The following EED variants were observed in gnomAD, a reference collection of about 807,000 sequenced individuals.
EED encodes polycomb protein EED.
EED carries 9 observed loss-of-function variants against 61.0 expected under a neutral mutation model. The ratio of observed to expected loss-of-function variants is 0.15; its 90% CI spans 0.09 to 0.26. The LOEUF is 0.26. EED is among the 10% of genes least tolerant of loss of function. The pLI is 1.00. For synonymous variants in EED, 187 were observed against 174.4 expected, an observed-to-expected ratio of 1.07 and a Z score of -0.57; for missense variants, 315 against 542.3, an observed-to-expected ratio of 0.58 and a Z score of 4.16.
At chr11:86,249,770 A>G (rs778264323) in intron 1 of EED, among the ~76,000 whole-genome samples, 3 of 152,260 alleles carry the variant, frequency 2.0e-5, no homozygotes, top group Non-Finnish European at 4.4e-5. Context: ...CAGAATTTGA[A>G]TAACAGGATT....
chr11:86,253,505 G>A lies in EED; in HGVS notation c.360+1265G>A, dbSNP rs761444205. Among the ~76,000 whole-genome samples, 14 of 152,212 alleles carry A rather than the reference G, an allele frequency of 9.2e-5. No homozygotes were observed. In the Middle Eastern group the frequency reaches 0.01, roughly 111 times the overall value. On this transcript the variant is annotated intron_variant, in intron 3 of 11. Transcript: ENST00000263360. ...TTTTTATTTAAAGTGACATAAAGGG[G>A]TGTCATATAGTTTATTGAATTATAA...
At chr11:86,254,069 A>AAAAAAAAAAAAAAG (rs1945605734) in intron 3 of EED, among the ~76,000 whole-genome samples, 1 of 148,758 alleles carries the variant, frequency 6.7e-6, no homozygotes, top group African/African-American at 2.5e-5. Flanking sequence ...AAAAAAAAAA[A>AAAAAAAAAAAAAAG]AAAAAAGAAA....
intron 9 of EED, among the ~76,000 whole-genome samples, chr11:86,272,211 C>G (rs1946130293): frequency 6.7e-6 from 1 of 148,532 alleles, no homozygotes; most frequent in Non-Finnish European, 1.5e-5. Context: ...GAGCCTGCCA[C>G]CACACCCGGC....
chr11:86,284,505 A>G, the EED span: 1 of 152,232 alleles, frequency 6.6e-6, no homozygotes, highest in Admixed American at 6.5e-5. Context: ...TCAAAAGTGG[A>G]CAAGACCTGT....
intron 8 of EED, 171 bp from the exon 9 acceptor site, chr11:86,268,285 T>A: frequency 2.1e-6 from 1 of 474,340 alleles, no homozygotes; most frequent in Admixed American, 4.0e-5. Flanking sequence ...AAAAGTGGAA[T>A]GAGACTTTAG....
the EED span, among the ~76,000 whole-genome samples, chr11:86,286,427 C>G: frequency 6.6e-6 from 1 of 152,138 alleles, no homozygotes; most frequent in Admixed American, 6.5e-5. Flanking sequence ...TTGAGTATAT[C>G]ATCTACTACA....
At chr11:86,287,100 T>G in the EED span, among the ~76,000 whole-genome samples, 1 of 152,080 alleles carries the variant, frequency 6.6e-6, no homozygotes, top group Non-Finnish European at 1.5e-5. Flanking sequence ...TTTCTTTTTT[T>G]TTTTCTTTTT....
intron 2 of EED, among the ~76,000 whole-genome samples, chr11:86,250,866 TTC>T: frequency 6.6e-6 from 1 of 152,248 alleles, no homozygotes; most frequent in Non-Finnish European, 1.5e-5. Context: ...TTTGTACAGT[TTC>T]TGTCCTTTGT....
intron 1 of EED, among the ~76,000 whole-genome samples, chr11:86,249,821 G>C (rs1312354940): frequency 3.9e-5 from 6 of 152,210 alleles, no homozygotes; most frequent in Non-Finnish European, 5.9e-5. Context: ...TAACACTCCT[G>C]CTTCAAACGG....
At chr11:86,252,361 T>A (rs1029421226) in intron 3 of EED, 121 bp downstream of exon 3, 4 of 644,038 alleles carry the variant, frequency 6.2e-6, no homozygotes, top group African/African-American at 3.6e-5. Context: ...TATGATTCTT[T>A]CATGTAAGAG....
intron 9 of EED, chr11:86,276,739 T>C (rs2138236143): frequency 3.3e-6 from 1 of 307,056 alleles, no homozygotes. Context: ...ACTTCCAAAA[T>C]GAATATTTCA....
At chr11:86,278,117 GAGTTAA>G (rs1402487476) in intron 11 of EED, 126 bp downstream of exon 11, 4 of 1,368,820 alleles carry the variant, frequency 2.9e-6, no homozygotes, top group Non-Finnish European at 3.8e-6. Flanking sequence ...ACTGTTTTCA[GAGTTAA>G]AGTTATTCTT....
downstream of EED, chr11:86,278,816 G>T (rs1016929231): frequency 1.2e-5 from 3 of 251,822 alleles, no homozygotes; most frequent in Non-Finnish European, 2.3e-5. Flanking sequence ...TTTTATAATG[G>T]TTGTTTTTTG....
At position 86,264,068 on chromosome 11, in the gene EED, T is replaced by C. The variant is rs1945912322; in HGVS notation, c.635-104T>C. 6.1e-6 allele frequency: 5 copies of C among 814,560 alleles called. No individual in the cohort carries two copies. In the Admixed American group the frequency reaches 9.2e-5, roughly 15 times the overall value. The allele number at this position is 814,560 out of a possible 1,614,324, so 50.5% of individuals were successfully genotyped here. On this transcript the variant is annotated intron_variant, in intron 6 of 11. Coordinates refer to ENST00000263360, the MANE Select transcript of EED (RefSeq NM_003797.5). ...TATGGATTCCATTTTTAGGCTTTACTGTGCATAACTTACATCTAGACTTTA... is the reference window on the plus strand; with the variant it reads ...TATGGATTCCATTTTTAGGCTTTACCGTGCATAACTTACATCTAGACTTTA...
intron 3 of EED, 118 bp downstream of exon 3, chr11:86,252,358 C>T: frequency 1.5e-6 from 1 of 659,930 alleles, no homozygotes; most frequent in Admixed American, 2.9e-5. Flanking sequence ...CAATATGATT[C>T]TTTCATGTAA....
At chr11:86,257,011 A>G (rs1369194147) in intron 5 of EED, among the ~76,000 whole-genome samples, 2 of 151,994 alleles carry the variant, frequency 1.3e-5, no homozygotes, top group Non-Finnish European at 2.9e-5. Context: ...TCCGATCAGA[A>G]TATCTGCAGG....
At chr11:86,260,679 A>C (rs963700534) in intron 6 of EED, among the ~76,000 whole-genome samples, 4 of 152,154 alleles carry the variant, frequency 2.6e-5, no homozygotes, top group Admixed American at 2.6e-4. Flanking sequence ...TCAATTTTTT[A>C]ATGTGAGTAT....
chr11:86,246,268 T>A (rs1035279253), intron 1 of EED, among the ~76,000 whole-genome samples: 39 of 152,248 alleles, frequency 2.6e-4, no homozygotes, highest in African/African-American at 8.9e-4. Context: ...ACGAAGTATC[T>A]TGACAATTTA....
intron 9 of EED, chr11:86,276,188 C>G (rs1343670224): frequency 6.6e-6 from 1 of 152,174 alleles, no homozygotes; most frequent in Non-Finnish European, 1.5e-5. Flanking sequence ...CCTTCGTGGG[C>G]AAACCACTGA....
Sources: gnomAD v4.1 joint callset for allele counts (sites outside exome capture counted in the v4.1 genomes callset) on GRCh38, gnomAD v4.1.1 for gene constraint, MANE v1.5 for transcripts, NCBI Gene and HGNC (gene_info 2026-07-23, HGNC 2026-07-21) for gene names.